CRYBG1: variants seen among roughly 807,000 people sequenced by gnomAD.
CRYBG1 encodes the protein crystallin beta-gamma domain containing 1.
In CRYBG1, 139 loss-of-function variants were observed where a neutral mutation model predicts 189.2. The observed-to-expected ratio is 0.73, with a 90% confidence interval of 0.64 to 0.85. CRYBG1 has a LOEUF of 0.85. Among genes scored for constraint, CRYBG1 ranks in the 40% least tolerant of loss-of-function variants. The pLI, the probability that CRYBG1 is intolerant of heterozygous loss-of-function variation, is 0.00. For missense variants in CRYBG1, 2,611 were observed against 2,675.8 expected (o/e 0.98, Z 0.53); for synonymous variants, 1,023 against 1,017.1 (o/e 1.01, Z -0.11).
chr6:106,432,842 T>TTC (rs1329407727), intron 1 of CRYBG1, among the ~76,000 whole-genome samples: 20 of 141,516 alleles, frequency 1.4e-4, no homozygotes, highest in African/African-American at 5.5e-4. Flanking sequence ...TTTTCTTTCT[T>TTC]TTTTTTTTTT....
At chr6:106,404,878 C>A (rs559395406) in intron 1 of CRYBG1, among the ~76,000 whole-genome samples, 114 of 152,268 alleles carry the variant, frequency 7.5e-4, no homozygotes, top group Non-Finnish European at 1.3e-3. Context: ...CCACAGTCTT[C>A]GCAACCCACA....
intron 18 of CRYBG1, among the ~76,000 whole-genome samples, chr6:106,559,820 C>T (rs897809956): frequency 3.3e-5 from 5 of 151,702 alleles, no homozygotes; most frequent in Admixed American, 6.6e-5. Flanking sequence ...AGAAGCTGGG[C>T]GCAGTGACTC....
intron 1 of CRYBG1, among the ~76,000 whole-genome samples, chr6:106,419,812 A>G (rs1041432436): frequency 1.3e-5 from 2 of 152,230 alleles, no homozygotes; most frequent in African/African-American, 4.8e-5. Flanking sequence ...AAGAATCTTG[A>G]GGCAGGAAAA....
chr6:106,370,106 C>T (rs760072656), intron 1 of CRYBG1, among the ~76,000 whole-genome samples: 9 of 151,918 alleles, frequency 5.9e-5, no homozygotes, highest in Non-Finnish European at 1.2e-4. Context: ...ACAATTTCTA[C>T]GTTAAATAGT....
At chr6:106,494,247 G>C (rs1279262466) in intron 2 of CRYBG1, among the ~76,000 whole-genome samples, 1 of 152,134 alleles carries the variant, frequency 6.6e-6, no homozygotes, top group Non-Finnish European at 1.5e-5. Flanking sequence ...AGAGGAGAAT[G>C]GGAGTTTCTG....
rs6916908 is a variant in CRYBG1, at chr6:106,420,326, G to A, written c.174-31368G>A. 5.1e-3 allele frequency among the ~76,000 whole-genome samples: 772 copies of A among 152,314 alleles called. 8 individuals carry two copies. Among genetic ancestry groups the A allele is most frequent in the African/African-American group, 0.018 (728 of 41,576 alleles). ...AGAGGGTCATAAGGCAGATGGCTAC[G>A]TTCTTGCAGGCTCTGATCAGTCTCA... On this transcript the variant is annotated intron_variant, in intron 1 of 21. Transcript: ENST00000633556.
At chr6:106,414,105 A>G (rs906971235) in intron 1 of CRYBG1, among the ~76,000 whole-genome samples, 7 of 152,186 alleles carry the variant, frequency 4.6e-5, no homozygotes, top group Admixed American at 6.5e-5. Flanking sequence ...ATCCAGTGCA[A>G]CTGGTTCCAC....
At chr6:106,523,951 C>T (rs1031039276) in intron 4 of CRYBG1, among the ~76,000 whole-genome samples, 6 of 152,048 alleles carry the variant, frequency 3.9e-5, no homozygotes, top group African/African-American at 7.2e-5. Context: ...AGGCTGGTCT[C>T]GAACTCCTGA....
At chr6:106,393,261 ACATGAATCAATGATG>A (rs1262148879) in intron 1 of CRYBG1, among the ~76,000 whole-genome samples, 1 of 152,212 alleles carries the variant, frequency 6.6e-6, no homozygotes, top group African/African-American at 2.4e-5. Flanking sequence ...AGGCCCGGTA[ACATGAATCAATGATG>A]CACAGGGGGT....
chr6:106,550,188 A>G (rs1774363298), intron 13 of CRYBG1, among the ~76,000 whole-genome samples: 1 of 152,122 alleles, frequency 6.6e-6, no homozygotes, highest in Admixed American at 6.5e-5. Flanking sequence ...AGTTCCTGGC[A>G]CCTGGTAAAT....
In CRYBG1 at chr6:106,437,803, A is replaced by G. The variant is rs150410201; in HGVS notation, c.174-13891A>G. 2.7e-3 allele frequency among the ~76,000 whole-genome samples: 417 copies of G among 152,294 alleles called. 2 individuals carry two copies. The highest frequency in any genetic ancestry group is 9.4e-3 in the African/African-American group (392 of 41,560). On this transcript the variant is annotated intron_variant, in intron 1 of 21. Coordinates refer to ENST00000633556, the MANE Select transcript of CRYBG1 (RefSeq NM_001371242.2). ...TGTTTTCCTTCCCTTCTAATATGCC[A>G]TAATACGCTCCTAATCTTTATGATT... is the stretch of plus-strand genomic sequence containing the variant.
intron 1 of CRYBG1, among the ~76,000 whole-genome samples, chr6:106,435,019 C>T (rs570521728): frequency 1.3e-5 from 2 of 152,154 alleles, no homozygotes; most frequent in East Asian, 3.9e-4. Flanking sequence ...ATCAGCGTGC[C>T]CCTTCATTAT....
chr6:106,524,944 G>GA (rs551733690), intron 4 of CRYBG1, among the ~76,000 whole-genome samples, 189 bp from the exon 5 acceptor site: 179 of 152,210 alleles, frequency 1.2e-3, no homozygotes, highest in African/African-American at 3.6e-3. Context: ...AGTTAGAGGT[G>GA]AAAAAACCTC....
intron 2 of CRYBG1, among the ~76,000 whole-genome samples, chr6:106,466,989 T>C (rs1772127268): frequency 6.6e-6 from 1 of 152,212 alleles, no homozygotes; most frequent in Admixed American, 6.5e-5. Context: ...AGATGGGAAC[T>C]GAAATCTCAG....
In CRYBG1 at chr6:106,432,841, T is replaced by C. The variant is rs540101391; in HGVS notation, c.174-18853T>C. Among the ~76,000 whole-genome samples the C allele has an allele frequency of 2.9e-3, 87 of 29,574 alleles. No homozygotes were observed. In the East Asian group the frequency reaches 0.039, roughly 13 times the overall value. 19.4% of individuals were successfully genotyped at this position (29,574 alleles called of 152,430 possible). On this transcript the variant is annotated intron_variant, in intron 1 of 21. Transcript: ENST00000633556. Reference sequence around the variant, plus strand: ...TACTATTTTCTTTTTCTTTTCTTTCTTTTTTTTTTTTTTTTTGAGACAGAG... The same window carrying C: ...TACTATTTTCTTTTTCTTTTCTTTCCTTTTTTTTTTTTTTTTGAGACAGAG...
At chr6:106,563,055 A>G (rs1774772099) in intron 20 of CRYBG1, among the ~76,000 whole-genome samples, 1 of 152,162 alleles carries the variant, frequency 6.6e-6, no homozygotes. Flanking sequence ...TTGGCCTCCC[A>G]AAGAGTTGGG....
chr6:106,383,544 T>C (rs149855556), intron 1 of CRYBG1, among the ~76,000 whole-genome samples: 33 of 152,366 alleles, frequency 2.2e-4, no homozygotes, highest in African/African-American at 7.5e-4. Context: ...TGTAAATGTG[T>C]AAATGAAATT....
intron 2 of CRYBG1, among the ~76,000 whole-genome samples, chr6:106,487,377 T>G (rs1772615282): frequency 1.3e-5 from 2 of 152,214 alleles, no homozygotes; most frequent in Admixed American, 6.5e-5. Context: ...TGGTGAGTTT[T>G]GTACTTCCAT....
chr6:106,456,315 A>G (rs1313393649), intron 2 of CRYBG1, among the ~76,000 whole-genome samples: 2 of 139,236 alleles, frequency 1.4e-5, no homozygotes, highest in African/African-American at 6.0e-5. Flanking sequence ...TACCATGCCC[A>G]GCTATTTTTT....
Sources: gnomAD v4.1 joint callset for allele counts (sites outside exome capture counted in the v4.1 genomes callset) on GRCh38, gnomAD v4.1.1 for gene constraint, MANE v1.5 for transcripts, NCBI Gene and HGNC (gene_info 2026-07-23, HGNC 2026-07-21) for gene names.